The following TRMT2B variants were observed in gnomAD, a reference collection of about 807,000 sequenced individuals.
The protein encoded by TRMT2B is tRNA (uracil-5-)-methyltransferase homolog B.
TRMT2B carries 34 observed loss-of-function variants against 39.7 expected under a neutral mutation model. The observed-to-expected ratio is 0.86, with a 90% CI of 0.65 to 1.14. The LOEUF is 1.14. Among genes scored for constraint, TRMT2B ranks in the 50% most tolerant of loss-of-function variants. The probability of loss-of-function intolerance (pLI) is 0.00; values close to 1 mark genes in which losing one functional copy is unlikely to be tolerated. For synonymous variants in TRMT2B, 132 were observed against 137.3 expected, an observed-to-expected ratio of 0.96 and a Z score of 0.27; for missense variants, 318 against 377.2, an observed-to-expected ratio of 0.84 and a Z score of 1.30.
At chrX:101,026,950 C>T (rs2087127506) in intron 7 of TRMT2B, among the ~76,000 whole-genome samples, 2 of 111,375 alleles carry the variant, frequency 1.8e-5, no homozygotes, top group South Asian at 7.5e-4. Context: ...CCCTATATTC[C>T]CCAACTCTGC....
the TRMT2B span, among the ~76,000 whole-genome samples, chrX:100,977,504 C>G: frequency 9.2e-6 from 1 of 109,126 alleles, no homozygotes; most frequent in African/African-American, 3.4e-5. Flanking sequence ...CCTCAGCCTC[C>G]CAAGTAGCTG....
rs1035090932 is a variant in TRMT2B at position 101,051,984 on chromosome X, C to G, written c.-674G>C. On this transcript the variant is annotated 5_prime_UTR_variant, in exon 1 of 14. Transcript: ENST00000372936. Reference sequence around the variant, plus strand: ...CCAGCGTCGGCGAGGCAGCAGGCTCCGGCACCTCGACTCCTCTCGGGGAGT... The same window carrying G: ...CCAGCGTCGGCGAGGCAGCAGGCTCGGGCACCTCGACTCCTCTCGGGGAGT... The G allele has an allele frequency of 9.0e-6, 1 of 111,624 alleles. No homozygotes were observed. The highest frequency in any genetic ancestry group is 1.9e-5 in the Non-Finnish European group (1 of 53,233). The allele number at this position is 111,624 out of a possible 1,213,427, so 9.2% of individuals were successfully genotyped here. A position where few individuals can be genotyped will look rare whatever the true frequency, so the allele number is the denominator to read the frequency against.
the TRMT2B span, among the ~76,000 whole-genome samples, chrX:100,980,576 G>A: frequency 5.4e-5 from 6 of 110,587 alleles, no homozygotes; most frequent in Non-Finnish European, 9.4e-5. Context: ...GCTTGGTGCT[G>A]TATTTTACTG....
intron 2 of TRMT2B, among the ~76,000 whole-genome samples, chrX:101,047,656 A>G (rs752830797): frequency 4.2e-4 from 46 of 109,320 alleles, no homozygotes; most frequent in Non-Finnish European, 8.0e-4. Context: ...ACATGGTGAA[A>G]CCCCGTCTCT....
intron 13 of TRMT2B, among the ~76,000 whole-genome samples, chrX:101,016,172 A>G (rs899153074): frequency 8.9e-6 from 1 of 112,084 alleles, no homozygotes; most frequent in African/African-American, 3.2e-5. Context: ...TGCATCTATC[A>G]CTACAATCAA....
chrX:100,988,453 G>A, the TRMT2B span: 1 of 1,196,882 alleles, frequency 8.4e-7, no homozygotes, highest in Non-Finnish European at 1.1e-6. Flanking sequence ...GAAAGAAGGT[G>A]AATGTTCTAG....
intron 3 of TRMT2B, 68 bp from the exon 4 acceptor site, chrX:101,041,439 G>A (rs1365442165): frequency 8.8e-6 from 9 of 1,018,045 alleles, no homozygotes; most frequent in African/African-American, 7.6e-5. Flanking sequence ...CTATGCATAA[G>A]TACTTTCAGA....
the TRMT2B span, among the ~76,000 whole-genome samples, chrX:100,988,853 T>TATATATATATATATGAGATAATATATCTC: frequency 5.2e-5 from 1 of 19,134 alleles, no homozygotes; most frequent in Non-Finnish European, 1.1e-4. Flanking sequence ...ATATATCTCA[T>TATATATATATATATGAGATAATATATCTC]ATATATATAT....
intron 7 of TRMT2B, among the ~76,000 whole-genome samples, chrX:101,031,711 G>GA (rs35274868): frequency 3.6e-4 from 30 of 84,051 alleles, no homozygotes; most frequent in Middle Eastern, 6.3e-3. Flanking sequence ...TCTGTCGTAG[G>GA]AAAAAAAAAA....
At chrX:100,980,405 C>T in the TRMT2B span, among the ~76,000 whole-genome samples, 20 of 109,976 alleles carry the variant, frequency 1.8e-4, no homozygotes, top group Non-Finnish European at 3.8e-4. Context: ...CTGGCTACCA[C>T]CAATGTTTAT....
intron 7 of TRMT2B, among the ~76,000 whole-genome samples, chrX:101,031,633 G>A (rs930299636): frequency 1.0e-4 from 11 of 108,086 alleles, no homozygotes; most frequent in African/African-American, 2.0e-4. Context: ...GCTTGAACTC[G>A]GGAGGCGGAG....
At chrX:100,994,367 G>A in the TRMT2B span, among the ~76,000 whole-genome samples, 1 of 111,752 alleles carries the variant, frequency 8.9e-6, no homozygotes, top group Non-Finnish European at 1.9e-5. Flanking sequence ...TGTAGCTCCC[G>A]TCAGAGGCAC....
chrX:101,051,777 A>C, intron 1 of TRMT2B, 40 bp downstream of exon 1: 1 of 634,199 alleles, frequency 1.6e-6, no homozygotes, highest in South Asian at 8.1e-5. Flanking sequence ...CTATTTATCC[A>C]CCTTACCTTC....
chrX:101,020,202 G>A (rs1281383663), intron 11 of TRMT2B, among the ~76,000 whole-genome samples: 1 of 111,782 alleles, frequency 8.9e-6, no homozygotes, highest in Non-Finnish European at 1.9e-5. Context: ...ATGCCAAGGA[G>A]ATTCTTCTTC....
intron 7 of TRMT2B, among the ~76,000 whole-genome samples, chrX:101,028,112 CTTTTTTTTT>C: frequency 1.3e-5 from 1 of 78,437 alleles, no homozygotes; most frequent in Admixed American, 1.5e-4. Context: ...ACTTCTTGCT[CTTTTTTTTT>C]TTTTTTTTTT....
chrX:100,976,415 A>G, the TRMT2B span, among the ~76,000 whole-genome samples: 1 of 110,082 alleles, frequency 9.1e-6, no homozygotes, highest in Non-Finnish European at 1.9e-5. Flanking sequence ...TACCTGGGGG[A>G]TTATTCATAA....
In TRMT2B at chrX:101,039,990, G is replaced by T. The variant is rs181204358; in HGVS notation, c.303+1327C>A. ...ACCTGAAGTTTACTTATGGAAGTGG[G>T]TATCAGAAGAACTGCAGCTTGGGCC... On this transcript the variant is annotated intron_variant, in intron 4 of 13. Transcript: ENST00000372936. Among the ~76,000 whole-genome samples, 740 of 111,021 alleles carry T rather than the reference G, an allele frequency of 6.7e-3. 5 individuals are homozygous for T. The highest frequency in any genetic ancestry group is 0.011 in the Non-Finnish European group (602 of 53,001).
chrX:101,034,238 T>C (rs1366294975), intron 7 of TRMT2B, among the ~76,000 whole-genome samples: 4 of 106,524 alleles, frequency 3.8e-5, no homozygotes, highest in Non-Finnish European at 5.8e-5. Context: ...GCCTCCCAGG[T>C]TCTAGCGATT....
chrX:101,044,782 G>A (rs113526236), intron 2 of TRMT2B, among the ~76,000 whole-genome samples: 19,628 of 99,643 alleles, frequency 0.2, 1,794 homozygotes, highest in African/African-American at 0.25. Context: ...GGAGGTTGCA[G>A]TGAGCTGAGA....
Sources: allele counts gnomAD v4.1 joint callset (sites outside exome capture counted in the v4.1 genomes callset), GRCh38; gene constraint gnomAD v4.1.1; transcripts MANE v1.5; gene names NCBI Gene and HGNC (gene_info 2026-07-23, HGNC 2026-07-21).